SPATA22: variants seen among roughly 807,000 people sequenced by gnomAD.
SPATA22 encodes spermatogenesis associated 22, also known as spermatogenesis-associated protein 22.
SPATA22 carries 29 observed loss-of-function variants against 47.8 expected under a neutral mutation model. The ratio of observed to expected loss-of-function variants is 0.61; its 90% CI spans 0.45 to 0.83. The LOEUF (loss-of-function observed/expected upper bound fraction) is 0.83. Ranked by LOEUF, SPATA22 falls within the 40% of genes least tolerant of loss-of-function variation. The pLI is 0.00. For synonymous variants in SPATA22, 133 were observed against 140.9 expected, an observed-to-expected ratio of 0.94 and a Z score of 0.40; for missense variants, 410 against 421.7, an observed-to-expected ratio of 0.97 and a Z score of 0.24.
At chr17:3,508,823 C>T (rs1013188010) in intron 1 of SPATA22, among the ~76,000 whole-genome samples, 2 of 145,552 alleles carry the variant, frequency 1.4e-5, no homozygotes, top group African/African-American at 5.1e-5. Flanking sequence ...ATGGGTGCAG[C>T]GCACCAGCAT....
chr17:3,458,953 A>G (rs1424998193), intron 5 of SPATA22, among the ~76,000 whole-genome samples: 1 of 151,998 alleles, frequency 6.6e-6, no homozygotes, highest in Non-Finnish European at 1.5e-5. Flanking sequence ...ATAACGGAAT[A>G]CTATTCAGAC....
rs566179546 is a variant in SPATA22 at position 3,456,131 on chromosome 17, A to C, written c.329+6352T>G. Among the ~76,000 whole-genome samples the C allele has an allele frequency of 5.3e-5, 8 of 152,306 alleles. No individual in the cohort carries two copies. The South Asian group carries it at 1.7e-3, about 32-fold the overall frequency. ...TGGTGTATAAGAATGCTTCACAATTAAAAGAACTAGAAAAGAAAAAGCGAA... is the reference window on the plus strand; with the variant it reads ...TGGTGTATAAGAATGCTTCACAATTCAAAGAACTAGAAAAGAAAAAGCGAA... On this transcript the variant is annotated intron_variant, in intron 5 of 8. Coordinates refer to ENST00000572969, the MANE Select transcript of SPATA22 (RefSeq NM_001170698.2).
chr17:3,494,453 T>C (rs2073877261), intron 1 of SPATA22: 2 of 1,598,620 alleles, frequency 1.3e-6, no homozygotes, highest in Non-Finnish European at 1.7e-6. Context: ...TCCATCCTAA[T>C]CTGCAGGTAA....
intron 3 of SPATA22, among the ~76,000 whole-genome samples, chr17:3,467,188 T>C (rs1203985775): frequency 6.6e-6 from 1 of 152,178 alleles, no homozygotes; most frequent in Non-Finnish European, 1.5e-5. Flanking sequence ...ATGTTACTAC[T>C]TTATTAGAAC....
In SPATA22 at chr17:3,490,571, T is replaced by C. The variant is rs1473440505; in HGVS notation, c.-73-21173A>G. On this transcript the variant is annotated intron_variant, in intron 1 of 8. Transcript: ENST00000541913. This position sits in a 1 kb window ranked among gnomAD's most constrained non-coding sequence, Gnocchi z 4.6. ...CCACTGCAATCACAGACATTCGTTTTGTGCTTGGGAATCCTTTGACTCCAA... is the reference window on the plus strand; with the variant it reads ...CCACTGCAATCACAGACATTCGTTTCGTGCTTGGGAATCCTTTGACTCCAA... Among the ~76,000 whole-genome samples the C allele has an allele frequency of 2.0e-5, 3 of 152,314 alleles. No homozygotes were observed. The highest frequency in any genetic ancestry group is 2.1e-4 in the South Asian group (1 of 4,828).
chr17:3,487,194 G>C (rs1223431862), intron 1 of SPATA22, among the ~76,000 whole-genome samples: 1 of 152,142 alleles, frequency 6.6e-6, no homozygotes, highest in Non-Finnish European at 1.5e-5. Flanking sequence ...GGTGGTCCTT[G>C]TAGGTGCCTA....
chr17:3,451,719 T>C (rs56137991), intron 5 of SPATA22, among the ~76,000 whole-genome samples: 35,579 of 151,526 alleles, frequency 0.23, 4,443 homozygotes, highest in East Asian at 0.43. Flanking sequence ...GAGGCCGAGG[T>C]GGGCGGATCA....
intron 1 of SPATA22, chr17:3,503,022 C>T (rs1349004364): frequency 6.6e-6 from 1 of 152,242 alleles, no homozygotes; most frequent in Non-Finnish European, 1.5e-5. Flanking sequence ...CATGATTCTT[C>T]TCCTCAAAGG....
At chr17:3,498,855 AAATAT>A (rs746496601) in intron 1 of SPATA22, 18 of 1,462,714 alleles carry the variant, frequency 1.2e-5, no homozygotes, top group East Asian at 9.9e-5. Flanking sequence ...GAGAAAAACC[AAATAT>A]AATATATTTA....
Position 3,458,060 on chromosome 17 carries a change from T to C in SPATA22, c.329+4423A>G, listed in dbSNP as rs574028056. ...GCAATCTATAGCATGGGAGAAAATT[T>C]TGGCAAACTATGTAACTGTTAAGTA... On this transcript the variant is annotated intron_variant, in intron 5 of 8. Coordinates refer to ENST00000572969, the MANE Select transcript of SPATA22 (RefSeq NM_001170698.2). Among the ~76,000 whole-genome samples, 15 of 152,296 alleles carry C rather than the reference T, an allele frequency of 9.8e-5. No homozygotes were observed. The East Asian group carries it at 2.5e-3, about 25-fold the overall frequency.
intron 3 of SPATA22, among the ~76,000 whole-genome samples, chr17:3,466,741 T>C (rs1461452913): frequency 1.3e-5 from 2 of 152,238 alleles, no homozygotes; most frequent in Non-Finnish European, 2.9e-5. Flanking sequence ...CAAGGCTTCT[T>C]ACTGTGTCCT....
At chr17:3,496,670 T>C (rs2073912065) in intron 1 of SPATA22, among the ~76,000 whole-genome samples, 1 of 152,186 alleles carries the variant, frequency 6.6e-6, no homozygotes, top group Admixed American at 6.5e-5. Context: ...CTAACTGGAA[T>C]CACGTAGGGG....
In SPATA22 at chr17:3,440,091, A is replaced by C. The variant is rs2072563716; in HGVS notation, c.*56T>G. 8.6e-7 allele frequency: 1 copy of C among 1,163,458 alleles called. No individual in the cohort carries two copies. Among genetic ancestry groups the C allele is most frequent in the African/African-American group, 1.6e-5 (1 of 63,520 alleles). 72.1% of individuals were successfully genotyped at this position (1,163,458 alleles called of 1,614,324 possible). A position where few individuals can be genotyped will look rare whatever the true frequency, so the allele number is the denominator to read the frequency against. ...AGCTATAAAACTATGGAGATGGTAAATTAAGCAATAACAGAAAACTGCTAT... is the reference window on the plus strand; with the variant it reads ...AGCTATAAAACTATGGAGATGGTAACTTAAGCAATAACAGAAAACTGCTAT... On this transcript the variant is annotated 3_prime_UTR_variant, in exon 9 of 9. Transcript: ENST00000572969.
At chr17:3,474,619 G>T (rs556007215), upstream of SPATA22, among the ~76,000 whole-genome samples, 1 of 152,152 alleles carries the variant, frequency 6.6e-6, no homozygotes, top group Non-Finnish European at 1.5e-5. Flanking sequence ...TTAATGCATA[G>T]ATTTGATGTG....
chr17:3,457,391 A>C (rs1363267179), intron 5 of SPATA22, among the ~76,000 whole-genome samples: 1 of 152,192 alleles, frequency 6.6e-6, no homozygotes, highest in African/African-American at 2.4e-5. Flanking sequence ...TGATATTGTT[A>C]AATGTCCAAA....
intron 5 of SPATA22, among the ~76,000 whole-genome samples, chr17:3,453,022 A>G (rs1464101815): frequency 6.6e-6 from 1 of 152,250 alleles, no homozygotes; most frequent in Non-Finnish European, 1.5e-5. Context: ...TTCCAAATTC[A>G]TTTTATGAGA....
At chr17:3,449,588 C>T (rs796966854) in intron 5 of SPATA22, among the ~76,000 whole-genome samples, 8 of 152,074 alleles carry the variant, frequency 5.3e-5, no homozygotes, top group African/African-American at 1.9e-4. Flanking sequence ...TAAACTGTGG[C>T]TTAGCAATGA....
intron 1 of SPATA22, among the ~76,000 whole-genome samples, chr17:3,506,942 A>T (rs1022987267): frequency 2.7e-5 from 4 of 146,852 alleles, no homozygotes; most frequent in African/African-American, 1.0e-4. Flanking sequence ...CTCTGTCGGA[A>T]AGACAGAAAA....
chr17:3,481,797 A>G, intron 1 of SPATA22: 2 of 1,594,638 alleles, frequency 1.3e-6, no homozygotes, highest in Non-Finnish European at 1.7e-6. Flanking sequence ...CATTACATTA[A>G]GGTAATGTTA....
Sources: gnomAD v4.1 joint callset for allele counts (sites outside exome capture counted in the v4.1 genomes callset) on GRCh38, gnomAD v4.1.1 for gene constraint, Gnocchi (gnomAD v3.1) non-coding constraint, MANE v1.5 for transcripts, NCBI Gene and HGNC (gene_info 2026-07-23, HGNC 2026-07-21) for gene names.